Variants in PIK3CB observed in about 807,000 individuals in gnomAD.
The protein encoded by PIK3CB is phosphatidylinositol-4,5-bisphosphate 3-kinase catalytic subunit beta.
In PIK3CB, 39 loss-of-function variants were observed where a neutral mutation model predicts 136.8. The ratio of observed to expected loss-of-function variants is 0.29; its 90% CI spans 0.22 to 0.37. PIK3CB has a LOEUF of 0.37. Ranked by LOEUF, PIK3CB falls within the 10% of genes least tolerant of loss-of-function variation. The probability of loss-of-function intolerance (pLI) is 1.00; values close to 1 mark genes in which losing one functional copy is unlikely to be tolerated. For missense variants in PIK3CB, 868 were observed against 1,275.4 expected (o/e 0.68, Z 4.87); for synonymous variants, 428 against 436.6 (o/e 0.98, Z 0.25).
chr3:138,818,743 C>T (rs1035409055), intron 1 of PIK3CB, among the ~76,000 whole-genome samples: 53 of 152,296 alleles, frequency 3.5e-4, no homozygotes, highest in Non-Finnish European at 6.6e-4. Context: ...GGACTCAATG[C>T]TTCCTTTTTT....
chr3:138,739,845 G>A (rs755399619), intron 5 of PIK3CB, among the ~76,000 whole-genome samples: 51 of 150,896 alleles, frequency 3.4e-4, no homozygotes, highest in Middle Eastern at 3.4e-3. Context: ...AAGTTGCAGT[G>A]AGCCGAGATC....
At chr3:138,682,957 T>C (rs2043810339) in intron 18 of PIK3CB, among the ~76,000 whole-genome samples, 1 of 152,194 alleles carries the variant, frequency 6.6e-6, no homozygotes, top group African/African-American at 2.4e-5. Flanking sequence ...AGGCATTTCC[T>C]TTACACATTT....
chr3:138,695,876 C>T (rs2044125582), intron 13 of PIK3CB, among the ~76,000 whole-genome samples: 1 of 151,732 alleles, frequency 6.6e-6, no homozygotes, highest in Non-Finnish European at 1.5e-5. Context: ...CTGCCTCAGC[C>T]TCCCGAGTAG....
intron 4 of PIK3CB, 60 bp from the exon 5 acceptor site, chr3:138,742,841 A>G: frequency 1.1e-6 from 1 of 929,388 alleles, no homozygotes. Context: ...AGAATATAGA[A>G]AGAATACAAA....
chr3:138,703,296 C>G (rs2044291916), intron 12 of PIK3CB, among the ~76,000 whole-genome samples: 1 of 152,130 alleles, frequency 6.6e-6, no homozygotes, highest in African/African-American at 2.4e-5. Context: ...AAGGAGAAGA[C>G]AGCCTAGGCC....
chr3:138,830,205 G>C (rs1211229233), intron 1 of PIK3CB, among the ~76,000 whole-genome samples: 1 of 152,052 alleles, frequency 6.6e-6, no homozygotes, highest in African/African-American at 2.4e-5. Context: ...TGATTTTCTA[G>C]TACACCACCA....
At chr3:138,734,952 A>AAT (rs2045071954) in intron 6 of PIK3CB, 148 bp from the exon 7 acceptor site, 3 of 184,142 alleles carry the variant, frequency 1.6e-5, no homozygotes, top group African/African-American at 5.4e-5. Flanking sequence ...AAAAAAAAAA[A>AAT]TTTTTTTTTT....
At chr3:138,754,044 G>A (rs1291453173) in intron 4 of PIK3CB, among the ~76,000 whole-genome samples, 1 of 152,086 alleles carries the variant, frequency 6.6e-6, no homozygotes, top group East Asian at 1.9e-4. Flanking sequence ...TACTTGTCCT[G>A]GATGATAAGA....
In PIK3CB at chr3:138,693,966, T is replaced by TATATATATATATATA. The variant is rs1457395869; in HGVS notation, c.1892+819_1892+820insTATATATATATATAT. On this transcript the variant is annotated intron_variant, in intron 14 of 23. Coordinates refer to ENST00000674063, the MANE Select transcript of PIK3CB (RefSeq NM_006219.3). ...ATATATATATATATATATATATATA[T>TATATATATATATATA]TATATATATATATATATATATATAT... Among the ~76,000 whole-genome samples the TATATATATATATATA allele has an allele frequency of 1.3e-3, 56 of 42,388 alleles. 7 individuals carry two copies. The highest frequency in any genetic ancestry group is 0.012 in the Middle Eastern group (1 of 84). 27.8% of individuals were successfully genotyped at this position (42,388 alleles called of 152,430 possible). A position where few individuals can be genotyped will look rare whatever the true frequency, so the allele number is the denominator to read the frequency against.
intron 12 of PIK3CB, among the ~76,000 whole-genome samples, chr3:138,701,570 G>A (rs2348147): frequency 0.6 from 90,921 of 151,852 alleles, 28,053 homozygotes; most frequent in East Asian, 0.98. Context: ...GCAGATCACG[G>A]GGTCAAGAGA....
At chr3:138,789,335 T>A (rs1416459877) in intron 2 of PIK3CB, among the ~76,000 whole-genome samples, 1 of 152,130 alleles carries the variant, frequency 6.6e-6, no homozygotes, top group East Asian at 1.9e-4. Flanking sequence ...GGTGGGCACC[T>A]GTAGTCCCAG....
At chr3:138,825,956 G>T in intron 1 of PIK3CB, 2 of 1,559,582 alleles carry the variant, frequency 1.3e-6, no homozygotes, top group Middle Eastern at 2.4e-4. Context: ...GGAAGCAGCT[G>T]GCTTCACTGC....
At chr3:138,678,472 G>C (rs1391700061) in intron 19 of PIK3CB, among the ~76,000 whole-genome samples, 2 of 151,568 alleles carry the variant, frequency 1.3e-5, no homozygotes, top group Non-Finnish European at 2.9e-5. Flanking sequence ...ATGAGAAAAA[G>C]GACAAAAACA....
At chr3:138,669,798 T>C (rs1311766404) in intron 19 of PIK3CB, among the ~76,000 whole-genome samples, 1 of 152,158 alleles carries the variant, frequency 6.6e-6, no homozygotes. Flanking sequence ...GTACAGAAGG[T>C]ACCTCAAGAT....
chr3:138,736,708 C>T (rs1559850917), intron 6 of PIK3CB, among the ~76,000 whole-genome samples: 1 of 151,582 alleles, frequency 6.6e-6, no homozygotes, highest in South Asian at 2.1e-4. Flanking sequence ...AATTCAGTGC[C>T]GTATAGAAGC....
intron 2 of PIK3CB, among the ~76,000 whole-genome samples, chr3:138,794,404 G>A (rs1478184955): frequency 2.0e-5 from 3 of 152,176 alleles, no homozygotes; most frequent in East Asian, 1.9e-4. Flanking sequence ...GACCAGAGAC[G>A]GTGGAGAAAT....
At chr3:138,697,442 A>ATTTG (rs2044161567) in intron 13 of PIK3CB, among the ~76,000 whole-genome samples, 1 of 151,972 alleles carries the variant, frequency 6.6e-6, no homozygotes, top group Non-Finnish European at 1.5e-5. Context: ...TTATTTATTT[A>ATTTG]TTTATTTATT....
chr3:138,656,083 A>G, intron 23 of PIK3CB, 59 bp downstream of exon 23: 2 of 1,556,250 alleles, frequency 1.3e-6, no homozygotes, highest in Non-Finnish European at 1.8e-6. Flanking sequence ...TAAAACAGGC[A>G]GCTAAAACTG....
chr3:138,700,535 G>A (rs2044228148), intron 12 of PIK3CB, among the ~76,000 whole-genome samples: 1 of 151,660 alleles, frequency 6.6e-6, no homozygotes, highest in African/African-American at 2.4e-5. Context: ...ACAAATCATC[G>A]AATAAATGGA....
Sources: allele counts gnomAD v4.1 joint callset (sites outside exome capture counted in the v4.1 genomes callset), GRCh38; gene constraint gnomAD v4.1.1; transcripts MANE v1.5; gene names NCBI Gene and HGNC (gene_info 2026-07-23, HGNC 2026-07-21).